SCN9A: variants seen among roughly 807,000 people sequenced by gnomAD.
SCN9A encodes sodium voltage-gated channel alpha subunit 9, also known as sodium channel protein type 9 subunit alpha.
A neutral mutation model predicts 187.0 loss-of-function variants in SCN9A; 131 were observed. The ratio of observed to expected loss-of-function variants is 0.70; its 90% CI spans 0.61 to 0.81. The LOEUF (loss-of-function observed/expected upper bound fraction) is 0.81, where lower values mean the gene tolerates loss of function less well. SCN9A is among the 30% of genes least tolerant of loss of function. SCN9A has a pLI of 0.00. For synonymous variants in SCN9A, 809 were observed against 808.6 expected (o/e 1.00, Z -0.01); for missense variants, 2,252 against 2,396.6 (o/e 0.94, Z 1.26).
chr2:166,242,346 T>A (rs1695603185), intron 19 of SCN9A, among the ~76,000 whole-genome samples, 156 bp downstream of exon 19: 1 of 152,086 alleles, frequency 6.6e-6, no homozygotes, highest in Non-Finnish European at 1.5e-5. Context: ...GAGTGCTCAG[T>A]AACTATTTAC....
At chr2:166,328,430 G>T (rs1295341145) in intron 1 of SCN9A, among the ~76,000 whole-genome samples, 1 of 151,984 alleles carries the variant, frequency 6.6e-6, no homozygotes, top group East Asian at 1.9e-4. Context: ...GTATTTGAAA[G>T]GTTCCAGTGT....
intron 19 of SCN9A, among the ~76,000 whole-genome samples, chr2:166,238,987 CT>C (rs1404715669): frequency 1.3e-5 from 2 of 152,140 alleles, no homozygotes; most frequent in African/African-American, 4.8e-5. Context: ...TAATGTAGGG[CT>C]TACGCTTTAC....
chr2:166,340,654 T>C (rs1302965004), intron 1 of SCN9A, among the ~76,000 whole-genome samples: 2 of 151,218 alleles, frequency 1.3e-5, no homozygotes, highest in Non-Finnish European at 2.9e-5. Flanking sequence ...AGTGTATTTC[T>C]GTGTCACCCA....
At chr2:166,247,004 T>C (rs958843651) in intron 18 of SCN9A, among the ~76,000 whole-genome samples, 2 of 151,734 alleles carry the variant, frequency 1.3e-5, no homozygotes, top group Non-Finnish European at 2.9e-5. Flanking sequence ...AAAAGGACTA[T>C]TAATTGAATG....
At chr2:166,210,584 A>T (rs1694044778) in intron 24 of SCN9A, among the ~76,000 whole-genome samples, 1 of 151,812 alleles carries the variant, frequency 6.6e-6, no homozygotes, top group African/African-American at 2.4e-5. Flanking sequence ...GAAATAAAAA[A>T]AAAAATGAGT....
intron 7 of SCN9A, among the ~76,000 whole-genome samples, chr2:166,300,413 G>T (rs1698504328): frequency 6.6e-6 from 1 of 150,864 alleles, no homozygotes; most frequent in South Asian, 2.1e-4. Context: ...CTATCTTTTA[G>T]ATCTCAGCTT....
Position 166,251,894 on chromosome 2 carries a change from G to C in SCN9A, c.3352-9C>G. 1.9e-6 allele frequency: 3 copies of C among 1,611,636 alleles called. No individual in the cohort carries two copies. Among genetic ancestry groups the C allele is most frequent in the Non-Finnish European group, 2.5e-6 (3 of 1,178,632 alleles). ...CTTGACCGGTTTAATCTCTAGAAAG[G>C]AATTCACCACCCCACCAGGTAGTTC... On this transcript the variant is annotated splice_polypyrimidine_tract_variant and intron_variant, in intron 17 of 26. Coordinates refer to ENST00000642356, the MANE Select transcript of SCN9A (RefSeq NM_001365536.1).
intron 24 of SCN9A, among the ~76,000 whole-genome samples, chr2:166,212,784 T>C (rs955957668): frequency 3.9e-5 from 6 of 152,246 alleles, no homozygotes; most frequent in South Asian, 2.1e-4. Flanking sequence ...ATACCAGATA[T>C]CTTTTATGAC....
At chr2:166,327,759 T>C (rs2105257943) in intron 1 of SCN9A, among the ~76,000 whole-genome samples, 1 of 152,292 alleles carries the variant, frequency 6.6e-6, no homozygotes, top group East Asian at 1.9e-4. Flanking sequence ...TCAAATATAA[T>C]ATAATCTTAT....
intron 24 of SCN9A, among the ~76,000 whole-genome samples, chr2:166,210,932 G>T (rs915357288): frequency 3.9e-5 from 6 of 152,076 alleles, no homozygotes; most frequent in Admixed American, 2.6e-4. Flanking sequence ...GTGGTGGTGG[G>T]TGCCTATAAT....
intron 17 of SCN9A, 111 bp downstream of exon 17, chr2:166,272,288 C>A: frequency 2.9e-6 from 2 of 687,232 alleles, no homozygotes; most frequent in Non-Finnish European, 4.7e-6. Context: ...CAAAAACTAT[C>A]CATCACTACA....
Position 166,198,750 on chromosome 2 carries a change from C to T in SCN9A, c.5889G>A (p.Lys1963=). Residue 1963 remains lysine (K), a synonymous_variant, in exon 27 of 27, where the codon AAG becomes AAA. Transcript: ENST00000642356. ...TSPPSYDSVT[K]PDKEKYEQDR... The stretch of plus-strand genomic sequence containing the variant: ...CTTGTTCATATTTCTCTTTGTCTGG[C>T]TTTGTTACACTATCATATGAAGGTG... The T allele has an allele frequency of 6.2e-7, 1 of 1,613,382 alleles. No homozygotes were observed. The highest frequency in any genetic ancestry group is 2.2e-5 in the East Asian group (1 of 44,864).
At chr2:166,345,533 A>G (rs78215125) in intron 1 of SCN9A, among the ~76,000 whole-genome samples, 2 of 151,814 alleles carry the variant, frequency 1.3e-5, no homozygotes, top group South Asian at 2.1e-4. Flanking sequence ...AACAAAAAAA[A>G]GTAGGGAAAA....
At chr2:166,370,672 A>T (rs1021929712) in intron 1 of SCN9A, among the ~76,000 whole-genome samples, 4 of 152,088 alleles carry the variant, frequency 2.6e-5, no homozygotes, top group African/African-American at 9.6e-5. Flanking sequence ...TTATATTTTA[A>T]TGCATGCTTC....
chr2:166,314,135 A>G lies in SCN9A; in HGVS notation c.-50-2329T>C, dbSNP rs937145425. 5.9e-5 allele frequency among the ~76,000 whole-genome samples: 9 copies of G among 152,210 alleles called. 1 individual carries two copies. The highest frequency in any genetic ancestry group is 2.2e-4 in the African/African-American group (9 of 41,460). On this transcript the variant is annotated intron_variant, in intron 1 of 26. Coordinates refer to ENST00000642356, the MANE Select transcript of SCN9A (RefSeq NM_001365536.1). ...CAGTAATAATTAAATAATGGCAATTACAAAGTTGAAATATTGTGAGAATTG... is the reference window on the plus strand; with the variant it reads ...CAGTAATAATTAAATAATGGCAATTGCAAAGTTGAAATATTGTGAGAATTG...
intron 16 of SCN9A, among the ~76,000 whole-genome samples, chr2:166,274,671 C>T (rs1472594500): frequency 6.6e-6 from 1 of 151,988 alleles, no homozygotes; most frequent in Non-Finnish European, 1.5e-5. Flanking sequence ...ACTTTCTTTG[C>T]CAAGAATTAA....
rs1176708143 is a variant in SCN9A at position 166,313,080 on chromosome 2, AAAT to A, written c.-50-1277_-50-1275del. Reference sequence around the variant, plus strand: ...ATAATTATTTAATTTTCTGAATAGTAAATAATATAATTATTATGTAATTTTCTG... The same window carrying A: ...ATAATTATTTAATTTTCTGAATAGTAAATATAATTATTATGTAATTTTCTG... On this transcript the variant is annotated intron_variant, in intron 1 of 26. Transcript: ENST00000642356. Among the ~76,000 whole-genome samples the A allele has an allele frequency of 7.4e-5, 11 of 149,372 alleles. No homozygotes were observed. In the South Asian group the frequency reaches 1.9e-3, roughly 25 times the overall value.
At chr2:166,360,531 A>G (rs1437028209) in intron 1 of SCN9A, among the ~76,000 whole-genome samples, 2 of 152,166 alleles carry the variant, frequency 1.3e-5, no homozygotes, top group Non-Finnish European at 2.9e-5. Flanking sequence ...TATTTCCAAT[A>G]TTATTATACA....
At chr2:166,287,249 C>T (rs755853926) in intron 10 of SCN9A, among the ~76,000 whole-genome samples, 37 of 151,900 alleles carry the variant, frequency 2.4e-4, no homozygotes, top group Non-Finnish European at 3.8e-4. Flanking sequence ...GAAAAAAAGT[C>T]ATCTTACCTC....
Sources: gnomAD v4.1 joint callset for allele counts (sites outside exome capture counted in the v4.1 genomes callset) on GRCh38, gnomAD v4.1.1 for gene constraint, MANE v1.5 for transcripts, NCBI Gene and HGNC (gene_info 2026-07-23, HGNC 2026-07-21) for gene names.